GNB3: variants seen among roughly 807,000 people sequenced by gnomAD.
GNB3 encodes the protein G protein subunit beta 3.
Under a neutral mutation model 41.2 loss-of-function variants are expected in GNB3, and 33 were observed. The observed-to-expected ratio is 0.80, with a 90% CI of 0.61 to 1.07. The LOEUF (loss-of-function observed/expected upper bound fraction) is 1.07, where lower values mean the gene tolerates loss of function less well. GNB3 is among the 50% of genes least tolerant of loss of function. GNB3 has a pLI of 0.00. For synonymous variants in GNB3, 172 were observed against 173.4 expected, an observed-to-expected ratio of 0.99 and a Z score of 0.06; for missense variants, 409 against 455.3, an observed-to-expected ratio of 0.90 and a Z score of 0.92.
chr12:6,843,148 C>A lies in GNB3; in HGVS notation c.204-26C>A, dbSNP rs782133548. ...GAGGAAGGCGGGAAGGGGAGGCTTGCATGATATGGGATGCCCTCTCCCCAG... is the reference window on the plus strand; with the variant it reads ...GAGGAAGGCGGGAAGGGGAGGCTTGAATGATATGGGATGCCCTCTCCCCAG... On this transcript the variant is annotated intron_variant, in intron 4 of 9. Coordinates refer to ENST00000229264, the MANE Select transcript of GNB3 (RefSeq NM_002075.4). This position sits in a 1 kb window ranked among gnomAD's most constrained non-coding sequence, Gnocchi z 5.9. The A allele has an allele frequency of 6.2e-7, 1 of 1,610,316 alleles. No homozygotes were observed. Among genetic ancestry groups the A allele is most frequent in the South Asian group, 1.1e-5 (1 of 91,002 alleles).
At chr12:6,844,496 C>T (rs141985151) in intron 8 of GNB3, among the ~76,000 whole-genome samples, 507 of 151,962 alleles carry the variant, frequency 3.3e-3, no homozygotes, top group Middle Eastern at 6.8e-3. Context: ...CATAGCTCAC[C>T]GCAGTCTCAA....
chr12:6,841,855 A>G (rs1259607161), intron 3 of GNB3: 136 of 690,256 alleles, frequency 2.0e-4, no homozygotes, highest in Non-Finnish European at 2.4e-5. Flanking sequence ...AACAAGAGTG[A>G]CCACAGCCCC....
intron 8 of GNB3, 110 bp from the exon 9 acceptor site, chr12:6,845,476 G>A (rs1555124410): frequency 4.3e-6 from 3 of 704,208 alleles, no homozygotes; most frequent in Non-Finnish European, 7.4e-6. Flanking sequence ...CAGGCAGGGA[G>A]GCTGAGAGCA....
At chr12:6,845,197 GCCGTGAGAT>G (rs1943662034) in intron 8 of GNB3, 1 of 176,082 alleles carries the variant, frequency 5.7e-6, no homozygotes, top group Non-Finnish European at 1.2e-5. Flanking sequence ...ACATTTGCTC[GCCGTGAGAT>G]CCAGGCCTTG....
At position 6,843,152 on chromosome 12, in the gene GNB3, A is replaced by G. The variant is rs1555123764; in HGVS notation, c.204-22A>G. On this transcript the variant is annotated intron_variant, in intron 4 of 9. Transcript: ENST00000229264. The surrounding 1 kb of genome is among the most constrained non-coding windows in gnomAD (Gnocchi z 5.9). ...AAGGCGGGAAGGGGAGGCTTGCATG[A>G]TATGGGATGCCCTCTCCCCAGGCTG... is the stretch of plus-strand genomic sequence containing the variant. The G allele has an allele frequency of 1.2e-6, 2 of 1,611,772 alleles. No individual in the cohort carries two copies. Among genetic ancestry groups the G allele is most frequent in the South Asian group, 1.1e-5 (1 of 91,012 alleles).
chr12:6,846,883 C>T lies in GNB3; in HGVS notation c.1008C>T (p.Leu336=). Residue 336 remains leucine (L), a synonymous_variant, in exon 10 of 10, where the codon CTC becomes CTT. Transcript: ENST00000229264. The stretch of plus-strand genomic sequence containing the variant: ...CCACAGGTTCCTGGGACAGCTTCCT[C>T]AAAATCTGGAACTGAGGAGGCTGGA... The part of the protein sequence containing the change: ...AVATGSWDSF[L]KIWN 6.3e-7 allele frequency: 1 copy of T among 1,586,662 alleles called. No homozygotes were observed. The highest frequency in any genetic ancestry group is 8.6e-7 in the Non-Finnish European group (1 of 1,164,566).
At position 6,847,323 on chromosome 12, in the gene GNB3, T is replaced by C; in HGVS notation, c.*425T>C. 5.2e-6 allele frequency: 1 copy of C among 191,654 alleles called. No individual in the cohort carries two copies. The allele number at this position is 191,654 out of a possible 1,614,324, so 11.9% of individuals were successfully genotyped here. A position where few individuals can be genotyped will look rare whatever the true frequency, so the allele number is the denominator to read the frequency against. On this transcript the variant is annotated 3_prime_UTR_variant, in exon 10 of 10. Transcript: ENST00000229264. ...CACTAGGGTCCTGGCCCTCTTCTTA[T>C]TCATGCTTTCTCCTTTTTCTACCTT...
intron 8 of GNB3, among the ~76,000 whole-genome samples, chr12:6,844,242 C>T (rs1943639804): frequency 6.6e-6 from 1 of 151,610 alleles, no homozygotes; most frequent in Non-Finnish European, 1.5e-5. Flanking sequence ...GCTGGGATTA[C>T]AGGTGTGCGC....
chr12:6,844,460 G>T (rs1448701955), intron 8 of GNB3, among the ~76,000 whole-genome samples: 1 of 151,790 alleles, frequency 6.6e-6, no homozygotes, highest in Non-Finnish European at 1.5e-5. Context: ...TCACACTGTT[G>T]CCCAGTCTGG....
chr12:6,842,366 T>C (rs983680647), intron 3 of GNB3, among the ~76,000 whole-genome samples: 5 of 152,104 alleles, frequency 3.3e-5, no homozygotes, highest in African/African-American at 1.2e-4. Context: ...CTGGGCAACA[T>C]AGTGAGATCT....
chr12:6,846,738 C>T (rs1555124811), intron 9 of GNB3, 54 bp from the exon 10 acceptor site: 9 of 1,033,508 alleles, frequency 8.7e-6, no homozygotes, highest in Admixed American at 8.0e-5. Flanking sequence ...CATGCACACA[C>T]TGCTTTCCAA....
chr12:6,841,582 G>T lies in GNB3; in HGVS notation c.58-4G>T. 1.9e-6 allele frequency: 3 copies of T among 1,613,306 alleles called. No homozygotes were observed. The highest frequency in any genetic ancestry group is 2.5e-6 in the Non-Finnish European group (3 of 1,179,422). The stretch of plus-strand genomic sequence containing the variant: ...TGCTCCCCTGATGTCTGCTTTCCCT[G>T]CAGGATGCCAGGAAAGCCTGTGCTG... On this transcript the variant is annotated splice_region_variant and splice_polypyrimidine_tract_variant and intron_variant, in intron 2 of 9. Transcript: ENST00000229264.
In GNB3 at chr12:6,843,900, T is replaced by C. The variant is rs373970960; in HGVS notation, c.621T>C (p.Ser207=). ...TCATTTCGGGGGCCTGTGATGCCAGTGCCAAGCTCTGGGATGTGCGAGAGG... is the reference window on the plus strand; with the variant it reads ...TCATTTCGGGGGCCTGTGATGCCAGCGCCAAGCTCTGGGATGTGCGAGAGG... ...NLFISGACDA[S]AKLWDVREGT... is the part of the protein sequence containing the mutation. The change falls in exon 8 of 10, where the codon AGT becomes AGC. Residue 207 remains serine, a synonymous_variant. Transcript: ENST00000229264. This position sits in a 1 kb window ranked among gnomAD's most constrained non-coding sequence, Gnocchi z 5.9. 16 of 1,613,936 alleles carry C rather than the reference T, an allele frequency of 9.9e-6. No homozygotes were observed. In the African/African-American group the frequency reaches 1.6e-4, roughly 16 times the overall value.
At chr12:6,841,232 C>A in intron 1 of GNB3, 26 bp from the exon 2 acceptor site, 1 of 1,488,608 alleles carries the variant, frequency 6.7e-7, no homozygotes, top group Non-Finnish European at 9.3e-7. Flanking sequence ...GGGGGTTCCT[C>A]AACACCGACC....
chr12:6,846,087 C>T, intron 9 of GNB3: 1 of 402,236 alleles, frequency 2.5e-6, no homozygotes, highest in South Asian at 3.5e-5. Flanking sequence ...GGGTTCCTGG[C>T]ATTTCAGGGG....
rs1555123760 is a variant in GNB3, at chr12:6,843,142, G to A, written c.204-32G>A. On this transcript the variant is annotated intron_variant, in intron 4 of 9. Transcript: ENST00000229264. The surrounding 1 kb of genome is among the most constrained non-coding windows in gnomAD (Gnocchi z 5.9). ...GGGAGTGAGGAAGGCGGGAAGGGGAGGCTTGCATGATATGGGATGCCCTCT... is the reference window on the plus strand; with the variant it reads ...GGGAGTGAGGAAGGCGGGAAGGGGAAGCTTGCATGATATGGGATGCCCTCT... 3.7e-6 allele frequency: 6 copies of A among 1,610,608 alleles called. No individual in the cohort carries two copies. The highest frequency in any genetic ancestry group is 4.2e-6 in the Non-Finnish European group (5 of 1,176,864).
chr12:6,846,496 C>T lies in GNB3; in HGVS notation c.917-296C>T, dbSNP rs73260805. ...TGTCTGATCCCAGCCCTCCCCCAAC[C>T]AAAGCTCTTGACAGAGAACCCCCTG... On this transcript the variant is annotated intron_variant, in intron 9 of 9. Transcript: ENST00000229264. 2,353 of 295,196 alleles carry T rather than the reference C, an allele frequency of 8.0e-3. 46 individuals are homozygous for T. The highest frequency in any genetic ancestry group is 0.046 in the African/African-American group (2,139 of 46,536). 18.3% of individuals were successfully genotyped at this position (295,196 alleles called of 1,614,324 possible). A position where few individuals can be genotyped will look rare whatever the true frequency, so the allele number is the denominator to read the frequency against.
chr12:6,845,813 GC>G lies in GNB3; in HGVS notation c.916+14del. The G allele has an allele frequency of 6.3e-7, 1 of 1,591,766 alleles. No individual in the cohort carries two copies. ...AGTCTGAGCGTGTGGGTAAGGGCCA[GC>G]CCTGGCTGCTGCTTCCTCAGCTGGA... On this transcript the variant is annotated intron_variant, in intron 9 of 9. Transcript: ENST00000229264.
intron 3 of GNB3, 159 bp downstream of exon 3, chr12:6,841,783 T>C (rs1943580086): frequency 1.4e-6 from 1 of 715,886 alleles, no homozygotes. Context: ...CGGGACCTGC[T>C]CTGAGCCAGG....
Sources: gnomAD v4.1 joint callset for allele counts (sites outside exome capture counted in the v4.1 genomes callset) on GRCh38, gnomAD v4.1.1 for gene constraint, Gnocchi (gnomAD v3.1) non-coding constraint, MANE v1.5 for transcripts, NCBI Gene and HGNC (gene_info 2026-07-23, HGNC 2026-07-21) for gene names.